Variants in SRI observed in about 807,000 individuals in gnomAD.
SRI encodes the protein 22 kDa protein.
A neutral mutation model predicts 33.3 loss-of-function variants in SRI; 30 were observed. The observed-to-expected ratio is 0.90, with a 90% confidence interval of 0.67 to 1.22. SRI has a LOEUF of 1.22. SRI is among the 50% of genes most tolerant of loss of function. SRI has a pLI of 0.00. For missense variants in SRI, 243 were observed against 250.8 expected, an observed-to-expected ratio of 0.97 and a Z score of 0.21; for synonymous variants, 75 against 89.9, an observed-to-expected ratio of 0.83 and a Z score of 0.94.
Position 88,211,012 on chromosome 7 carries a change from G to T in SRI, c.206-87C>A, listed in dbSNP as rs1230336858. On this transcript the variant is annotated intron_variant, in intron 3 of 7. Coordinates refer to ENST00000265729, the MANE Select transcript of SRI (RefSeq NM_003130.4). ...ATACATTCAAATTAATTAGAAATATGATTATTATACACTTTTATTTTTATA... is the reference window on the plus strand; with the variant it reads ...ATACATTCAAATTAATTAGAAATATTATTATTATACACTTTTATTTTTATA... 3.8e-6 allele frequency: 4 copies of T among 1,042,758 alleles called. No individual in the cohort carries two copies. In the East Asian group the frequency reaches 7.7e-5, roughly 20 times the overall value. 64.6% of individuals were successfully genotyped at this position (1,042,758 alleles called of 1,614,324 possible).
chr7:88,206,647 A>C (rs1341560863), intron 7 of SRI, 143 bp from the exon 8 acceptor site: 2 of 852,424 alleles, frequency 2.3e-6, no homozygotes, highest in Non-Finnish European at 3.7e-6. Context: ...TAAATGATAG[A>C]TGGAAAAGTT....
chr7:88,207,408 T>C (rs1851460587), intron 7 of SRI, among the ~76,000 whole-genome samples: 1 of 152,238 alleles, frequency 6.6e-6, no homozygotes, highest in South Asian at 2.1e-4. Context: ...AGTGTACTTA[T>C]AACTGCAGCA....
At chr7:88,216,987 G>GTA in intron 3 of SRI, 135 bp downstream of exon 3, 2 of 820,788 alleles carry the variant, frequency 2.4e-6, no homozygotes. Context: ...AAATAGTACT[G>GTA]TATTTTAGCT....
chr7:88,217,570 T>C (rs1207530408), intron 2 of SRI, among the ~76,000 whole-genome samples: 1 of 152,222 alleles, frequency 6.6e-6, no homozygotes, highest in African/African-American at 2.4e-5. Context: ...GGTCACTTTT[T>C]CTTATGATAT....
chr7:88,224,623 G>A (rs1447561143), upstream of SRI, among the ~76,000 whole-genome samples: 1 of 152,136 alleles, frequency 6.6e-6, no homozygotes, highest in African/African-American at 2.4e-5. Flanking sequence ...GGGAAAGAGT[G>A]TGAAGCCTAT....
intron 1 of SRI, chr7:88,219,376 G>A (rs1851822372): frequency 4.6e-6 from 1 of 219,342 alleles, no homozygotes; most frequent in South Asian, 6.0e-5. Flanking sequence ...GGAAGAGTAA[G>A]GTGTCCGGCC....
At chr7:88,223,259 C>A (rs1170990044), upstream of SRI, among the ~76,000 whole-genome samples, 8 of 152,112 alleles carry the variant, frequency 5.3e-5, no homozygotes, top group Non-Finnish European at 2.9e-5. Flanking sequence ...TATGCCAGAT[C>A]CTCATCGCAT....
chr7:88,220,166 T>A (rs1851854967), upstream of SRI: 21 of 1,321,322 alleles, frequency 1.6e-5, no homozygotes, highest in Admixed American at 4.2e-5. Flanking sequence ...CGTCTCCAGC[T>A]CTTGCCTGTG....
At chr7:88,216,278 A>G (rs1471632282) in intron 3 of SRI, among the ~76,000 whole-genome samples, 2 of 151,614 alleles carry the variant, frequency 1.3e-5, no homozygotes, top group African/African-American at 2.4e-5. Context: ...GTGCCCTGCC[A>G]GGGATGGAGC....
chr7:88,210,299 A>G, intron 4 of SRI, 169 bp from the exon 5 acceptor site: 2 of 810,402 alleles, frequency 2.5e-6, no homozygotes, highest in South Asian at 3.2e-5. Context: ...GCTATGGAGA[A>G]AAAGCTCAAG....
chr7:88,226,947 G>T, exon 1 of SRI: 1 of 1,613,418 alleles, frequency 6.2e-7, no homozygotes, highest in Non-Finnish European at 8.5e-7. Flanking sequence ...AGAAGCTGGT[G>T]ATCCTTAGAG....
At chr7:88,213,226 T>G (rs1851622819) in intron 3 of SRI, among the ~76,000 whole-genome samples, 1 of 152,172 alleles carries the variant, frequency 6.6e-6, no homozygotes, top group Non-Finnish European at 1.5e-5. Context: ...AATTTATTAG[T>G]CTTTACAGTC....
At chr7:88,221,213 A>G (rs1396852830), upstream of SRI, among the ~76,000 whole-genome samples, 1 of 152,172 alleles carries the variant, frequency 6.6e-6, no homozygotes. Context: ...GGCTTCCTCC[A>G]TTCTAAATTC....
At position 88,210,058 on chromosome 7, in the gene SRI, G is replaced by A. The variant is rs569690413; in HGVS notation, c.322C>T (p.His108Tyr). 8 of 1,614,194 alleles carry A rather than the reference G, an allele frequency of 5.0e-6. No homozygotes were observed. Among genetic ancestry groups the A allele is most frequent in the Non-Finnish European group, 6.8e-6 (8 of 1,180,034 alleles). ...CTGTCAGTGTCAAAACTGATAAAGT[G>A]TTGTCTCCAGCCATTCAGTACAGCC... ...LWAVLNGWRQ[H>Y]FISFDTDRSG... is the part of the protein sequence containing the mutation. Residue 108 changes from histidine (H) to tyrosine (Y), a missense_variant, in exon 5 of 8, where the codon CAC (histidine) becomes TAC (tyrosine). His to Tyr is a moderately conservative substitution (Grantham distance 83, BLOSUM62 2). Transcript: ENST00000265729.
chr7:88,214,527 C>G (rs1369736946), intron 3 of SRI, among the ~76,000 whole-genome samples: 1 of 152,060 alleles, frequency 6.6e-6, no homozygotes, highest in African/African-American at 2.4e-5. Context: ...TTCCAATGAA[C>G]TAGAACGCTG....
chr7:88,207,190 G>A (rs1322913474), intron 7 of SRI, among the ~76,000 whole-genome samples: 1 of 152,174 alleles, frequency 6.6e-6, no homozygotes, highest in Non-Finnish European at 1.5e-5. Flanking sequence ...TAGAGAAAAG[G>A]AAAATAAGGA....
upstream of SRI, among the ~76,000 whole-genome samples, chr7:88,220,244 C>T (rs185184730): frequency 6.6e-6 from 1 of 152,342 alleles, no homozygotes; most frequent in East Asian, 1.9e-4. Context: ...TAATGCAGTG[C>T]ACGACTGAAG....
chr7:88,209,273 G>T, intron 6 of SRI, 66 bp downstream of exon 6: 1 of 1,329,998 alleles, frequency 7.5e-7, no homozygotes, highest in Non-Finnish European at 1.1e-6. Flanking sequence ...GAGAAGCACT[G>T]AGAGATGAAA....
rs959838224 is a variant in SRI, at chr7:88,209,467, A to G, written c.398-15T>C. The stretch of plus-strand genomic sequence containing the variant: ...CAACCTAAATCCTAAAAGAAAAGCC[A>G]TCCAGTAAAAAGGTTAAAGGATTGC... On this transcript the variant is annotated splice_polypyrimidine_tract_variant and intron_variant, in intron 5 of 7. Transcript: ENST00000265729. 1.2e-6 allele frequency: 2 copies of G among 1,600,770 alleles called. No homozygotes were observed. The highest frequency in any genetic ancestry group is 2.7e-5 in the African/African-American group (2 of 74,718).
Sources: gnomAD v4.1 joint callset for allele counts (sites outside exome capture counted in the v4.1 genomes callset) on GRCh38, gnomAD v4.1.1 for gene constraint, MANE v1.5 for transcripts, NCBI Gene and HGNC (gene_info 2026-07-23, HGNC 2026-07-21) for gene names.